Variants in ZNF3 observed in about 807,000 individuals in gnomAD.
ZNF3 encodes zinc finger protein 3, also known as C2-H2 type zinc finger protein.
A neutral mutation model predicts 36.9 loss-of-function variants in ZNF3; 16 were observed. The ratio of observed to expected loss-of-function variants is 0.43; its 90% CI spans 0.29 to 0.66. The LOEUF (loss-of-function observed/expected upper bound fraction) is 0.66. Ranked by LOEUF, ZNF3 falls within the 30% of genes least tolerant of loss-of-function variation. ZNF3 has a pLI of 0.13. For missense variants in ZNF3, 462 were observed against 543.1 expected (o/e 0.85, Z 1.48); for synonymous variants, 201 against 201.9 (o/e 1.00, Z 0.04).
Position 100,070,901 on chromosome 7 carries a change from T to C in ZNF3, c.*242A>G, listed in dbSNP as rs1421269663. On this transcript the variant is annotated 3_prime_UTR_variant, in exon 6 of 6. Transcript: ENST00000299667. ...AAAAACAGTTTAGTGCAAACTCCTT[T>C]CCTAAATGGGGTAACTGGTCCCAGA... 1 of 1,304,696 alleles carries C rather than the reference T, an allele frequency of 7.7e-7. No homozygotes were observed. Among genetic ancestry groups the C allele is most frequent in the Non-Finnish European group, 9.7e-7 (1 of 1,029,222 alleles). 80.8% of individuals were successfully genotyped at this position (1,304,696 alleles called of 1,614,324 possible). A position where few individuals can be genotyped will look rare whatever the true frequency, so the allele number is the denominator to read the frequency against.
chr7:100,071,018 TG>T lies in ZNF3; in HGVS notation c.*124del. 1 of 1,487,054 alleles carries T rather than the reference TG, an allele frequency of 6.7e-7. No homozygotes were observed. Among genetic ancestry groups the T allele is most frequent in the Non-Finnish European group, 8.9e-7 (1 of 1,122,662 alleles). 92.1% of individuals were successfully genotyped at this position (1,487,054 alleles called of 1,614,324 possible). ...GGAAAATTCAACGATTTGCCCCATC[TG>T]CCCCATTCTCTAAAATGAAAAGTCT... On this transcript the variant is annotated 3_prime_UTR_variant, in exon 6 of 6. Coordinates refer to ENST00000299667, the MANE Select transcript of ZNF3 (RefSeq NM_032924.5).
chr7:100,072,655 C>T (rs566310757), intron 5 of ZNF3, among the ~76,000 whole-genome samples: 33 of 152,100 alleles, frequency 2.2e-4, no homozygotes, highest in Middle Eastern at 3.4e-3. Flanking sequence ...AGCAGCAGCG[C>T]GGGAACAAGC....
chr7:100,081,921 G>T (rs1307765471), upstream of ZNF3, among the ~76,000 whole-genome samples: 3 of 152,170 alleles, frequency 2.0e-5, no homozygotes, highest in African/African-American at 7.2e-5. The surrounding 1 kb of genome is among the most constrained non-coding windows in gnomAD (Gnocchi z 4.3). Flanking sequence ...CTTTCGCTGC[G>T]GGGGCTGGCC....
At chr7:100,064,111 G>C in exon 6 of ZNF3, 3 of 1,613,534 alleles carry the variant, frequency 1.9e-6, no homozygotes, top group Non-Finnish European at 2.5e-6. Flanking sequence ...GAAACCTTAC[G>C]TGTGCACCAA....
rs776059619 is a variant in ZNF3 at position 100,075,470 on chromosome 7, G to C, written c.144+72C>G. The C allele has an allele frequency of 3.1e-5, 49 of 1,577,688 alleles. No homozygotes were observed. The East Asian group carries it at 1.1e-3, about 35-fold the overall frequency. ...CATGGGCCTGATGGAGGAGATCAGG[G>C]TTTAAAGCTCTGAATGGGATGTCAT... is the stretch of plus-strand genomic sequence containing the variant. On this transcript the variant is annotated intron_variant, in intron 4 of 5. Coordinates refer to ENST00000299667, the MANE Select transcript of ZNF3 (RefSeq NM_032924.5).
At chr7:100,067,842 C>T (rs772221178), downstream of ZNF3, among the ~76,000 whole-genome samples, 5 of 152,164 alleles carry the variant, frequency 3.3e-5, no homozygotes, top group Non-Finnish European at 5.9e-5. Flanking sequence ...CATTCCACTC[C>T]ATCTTTACTG....
chr7:100,067,762 A>G (rs1434074385), downstream of ZNF3, among the ~76,000 whole-genome samples: 40 of 152,214 alleles, frequency 2.6e-4, 1 homozygote, highest in Non-Finnish European at 1.5e-5. Context: ...AGTATATGCC[A>G]TGTATCAGCT....
chr7:100,067,897 G>A (rs773310562), downstream of ZNF3, among the ~76,000 whole-genome samples: 5 of 152,160 alleles, frequency 3.3e-5, no homozygotes, highest in Non-Finnish European at 5.9e-5. Context: ...AGGATGAGGA[G>A]TATAATCAAA....
rs750577877 is a variant in ZNF3, at chr7:100,064,443, T to G, written c.*345A>C. ...GACTCCACACCGGAGAGAAGCCATA[T>G]AAGTGTAAGGAGTGTGGGAAAGCCT... On this transcript the variant is annotated 3_prime_UTR_variant, in exon 6 of 6. Transcript: ENST00000413658. 1.9e-6 allele frequency: 3 copies of G among 1,613,758 alleles called. No individual in the cohort carries two copies. The Admixed American group carries it at 5.0e-5, about 27-fold the overall frequency.
chr7:100,072,984 G>A (rs1050683405), intron 5 of ZNF3, among the ~76,000 whole-genome samples: 1 of 152,152 alleles, frequency 6.6e-6, no homozygotes, highest in Admixed American at 6.5e-5. Flanking sequence ...GGACGGGAAC[G>A]GCTGTTTCTC....
chr7:100,071,217 G>T lies in ZNF3; in HGVS notation c.1267C>A (p.Pro423Thr), dbSNP rs745837552. ...TTGCTCATGCCGATCCCATTCAAAGGCTTCTCTCCAGTGTGAATTCTCTGA... is the reference window on the plus strand; with the variant it reads ...TTGCTCATGCCGATCCCATTCAAAGTCTTCTCTCCAGTGTGAATTCTCTGA... ...RHQRIHTGEK[P>T]LNGIGMSKSS... is the part of the protein sequence containing the mutation. The change falls in exon 6 of 6, where the codon CCT (proline) becomes ACT (threonine). Residue 423 changes from proline (P) to threonine (T), a missense_variant. Transcript: ENST00000299667. 1.9e-6 allele frequency: 3 copies of T among 1,614,020 alleles called. No individual in the cohort carries two copies. Among genetic ancestry groups the T allele is most frequent in the Admixed American group, 3.3e-5 (2 of 59,992 alleles).
In ZNF3 at chr7:100,070,706, C is replaced by G. The variant is rs990982812; in HGVS notation, c.*437G>C. On this transcript the variant is annotated 3_prime_UTR_variant, in exon 6 of 6. Coordinates refer to ENST00000299667, the MANE Select transcript of ZNF3 (RefSeq NM_032924.5). ...CCGAAACTTAAAGCTGGACTAGGAA[C>G]AGTAGCTTTGAAATAGTCTCCCTTT... 5.0e-6 allele frequency: 5 copies of G among 996,882 alleles called. No homozygotes were observed. Among genetic ancestry groups the G allele is most frequent in the Non-Finnish European group, 6.0e-6 (5 of 836,382 alleles). The allele number at this position is 996,882 out of a possible 1,614,324, so 61.8% of individuals were successfully genotyped here. A position where few individuals can be genotyped will look rare whatever the true frequency, so the allele number is the denominator to read the frequency against.
downstream of ZNF3, chr7:100,069,920 CTT>C (rs1238151364): frequency 5.1e-6 from 5 of 984,890 alleles, no homozygotes; most frequent in African/African-American, 5.2e-5. Flanking sequence ...GCCAACATGT[CTT>C]GTTTTAACTG....
chr7:100,076,370 G>A (rs1794114357), intron 3 of ZNF3, among the ~76,000 whole-genome samples: 2 of 151,018 alleles, frequency 1.3e-5, no homozygotes, highest in Admixed American at 1.3e-4. Flanking sequence ...TCGGCTCACT[G>A]CAACCTCCAC....
At chr7:100,079,715 TCCATGAGACAGGG>T (rs1794696595) in intron 1 of ZNF3, 59 bp from the exon 2 acceptor site, 1 of 152,172 alleles carries the variant, frequency 6.6e-6, no homozygotes, top group Non-Finnish European at 1.5e-5. Context: ...TCTTTTTTTT[TCCATGAGACAGGG>T]TCTGACTCTG....
Position 100,077,441 on chromosome 7 carries a change from A to G in ZNF3, c.-76-8T>C, listed in dbSNP as rs1421329341. The G allele has an allele frequency of 1.9e-6, 3 of 1,607,964 alleles. No individual in the cohort carries two copies. Among genetic ancestry groups the G allele is most frequent in the Non-Finnish European group, 2.5e-6 (3 of 1,176,494 alleles). On this transcript the variant is annotated splice_polypyrimidine_tract_variant and splice_region_variant and intron_variant, in intron 2 of 5. Transcript: ENST00000299667. The stretch of plus-strand genomic sequence containing the variant: ...AAAGAGAATGAGGAAGCACTGCAGA[A>G]GCAAAAGTTCAAGGTTCAAAGATAA...
downstream of ZNF3, among the ~76,000 whole-genome samples, chr7:100,069,010 A>G (rs1289115327): frequency 6.7e-6 from 1 of 150,086 alleles, no homozygotes; most frequent in Non-Finnish European, 1.5e-5. Flanking sequence ...TTTTTTTTTT[A>G]GGAGAGAGAG....
At chr7:100,080,352 C>T (rs911186702) in intron 1 of ZNF3, among the ~76,000 whole-genome samples, 2 of 152,124 alleles carry the variant, frequency 1.3e-5, no homozygotes, top group South Asian at 4.1e-4. Context: ...TGACTGGCGA[C>T]CTGCAGTGGC....
downstream of ZNF3, among the ~76,000 whole-genome samples, chr7:100,066,076 T>C (rs990465106): frequency 6.6e-6 from 1 of 151,882 alleles, no homozygotes; most frequent in Non-Finnish European, 1.5e-5. Context: ...TCCCCTTAAC[T>C]TGATGGATTC....
Sources: gnomAD v4.1 joint callset for allele counts (sites outside exome capture counted in the v4.1 genomes callset) on GRCh38, gnomAD v4.1.1 for gene constraint, Gnocchi (gnomAD v3.1) non-coding constraint, MANE v1.5 for transcripts, NCBI Gene and HGNC (gene_info 2026-07-23, HGNC 2026-07-21) for gene names.